Variants in FAM83B observed in about 807,000 individuals in gnomAD.
The protein encoded by FAM83B is protein FAM83B.
Under a neutral mutation model 38.8 loss-of-function variants are expected in FAM83B, and 26 were observed. The observed-to-expected ratio is 0.67, with a 90% CI of 0.49 to 0.93. FAM83B has a LOEUF of 0.93. Ranked by LOEUF, FAM83B falls within the 40% of genes least tolerant of loss-of-function variation. The probability of loss-of-function intolerance (pLI) is 0.00; values close to 1 mark genes in which losing one functional copy is unlikely to be tolerated. For synonymous variants in FAM83B, 419 were observed against 423.1 expected (o/e 0.99, Z 0.12); for missense variants, 1,237 against 1,197.3 (o/e 1.03, Z -0.49).
intron 2 of FAM83B, among the ~76,000 whole-genome samples, chr6:54,925,887 T>C (rs552364933): frequency 6.6e-6 from 1 of 152,314 alleles, no homozygotes; most frequent in Non-Finnish European, 1.5e-5. Flanking sequence ...CATCTTATAC[T>C]CTTTCTCCAT....
chr6:54,864,888 A>C (rs532465582), intron 1 of FAM83B, among the ~76,000 whole-genome samples: 18 of 152,198 alleles, frequency 1.2e-4, no homozygotes, highest in Non-Finnish European at 2.6e-4. Flanking sequence ...AGAAATAACA[A>C]ATTCAAGAAT....
intron 2 of FAM83B, among the ~76,000 whole-genome samples, chr6:54,904,976 AAAGACATTCTGGC>A (rs1228481565): frequency 6.6e-6 from 1 of 152,178 alleles, no homozygotes; most frequent in Non-Finnish European, 1.5e-5. Flanking sequence ...TAAAGAAAGG[AAAGACATTCTGGC>A]AAGTTGTAAA....
In FAM83B at chr6:54,851,652, T is replaced by G. The variant is rs961357727; in HGVS notation, c.-61+4826T>G. ...CATGCCCGGCTAATTTTTGTGTTTT[T>G]TTTTTTTTTTTTTGAGACGGAGTCT... On this transcript the variant is annotated intron_variant, in intron 1 of 4. Coordinates refer to ENST00000306858, the MANE Select transcript of FAM83B (RefSeq NM_001010872.3). 2.1e-5 allele frequency among the ~76,000 whole-genome samples: 3 copies of G among 143,742 alleles called. No individual in the cohort carries two copies. In the East Asian group the frequency reaches 6.0e-4, roughly 29 times the overall value. 94.3% of individuals were successfully genotyped at this position (143,742 alleles called of 152,430 possible).
At chr6:54,862,508 G>A (rs1024013979) in intron 1 of FAM83B, among the ~76,000 whole-genome samples, 4 of 152,170 alleles carry the variant, frequency 2.6e-5, no homozygotes, top group African/African-American at 4.8e-5. Context: ...TGTGTGGCCC[G>A]TGGTGGACAT....
At chr6:54,888,622 T>C (rs1772332513) in intron 2 of FAM83B, among the ~76,000 whole-genome samples, 1 of 152,034 alleles carries the variant, frequency 6.6e-6, no homozygotes, top group Non-Finnish European at 1.5e-5. Flanking sequence ...CTGACTTTTA[T>C]TGTTGCTGAT....
chr6:54,921,361 C>T (rs761424985), intron 2 of FAM83B, among the ~76,000 whole-genome samples: 7 of 150,976 alleles, frequency 4.6e-5, no homozygotes, highest in Non-Finnish European at 8.9e-5. Flanking sequence ...TGTAGGTGTC[C>T]TCCGGGGTCT....
chr6:54,941,837 AC>A lies in FAM83B; in HGVS notation c.2868del (p.Ser957ValfsTer2), dbSNP rs1463033524. ...SIQPTSNMPN[T>X]SINRPEIKSA... ...TCAGCCAACAAGCAACATGCCAAAT[AC>A]CAGTATAAATCGCCCAGAAATAAAA... On this transcript the variant is annotated frameshift_variant, in exon 5 of 5. Transcript: ENST00000306858. LOFTEE classifies it high-confidence loss of function. 6.2e-7 allele frequency: 1 copy of A among 1,614,106 alleles called. No individual in the cohort carries two copies. The highest frequency in any genetic ancestry group is 1.7e-5 in the Admixed American group (1 of 59,978).
intron 1 of FAM83B, among the ~76,000 whole-genome samples, chr6:54,863,511 G>A (rs188212172): frequency 6.1e-4 from 93 of 152,286 alleles, no homozygotes; most frequent in Non-Finnish European, 1.2e-3. Flanking sequence ...AGTAGAGGTC[G>A]AAACCTGTGC....
At chr6:54,939,027 C>T (rs1346361345) in intron 4 of FAM83B, among the ~76,000 whole-genome samples, 1 of 151,952 alleles carries the variant, frequency 6.6e-6, no homozygotes, top group Admixed American at 6.6e-5. Flanking sequence ...CATCTTGAGT[C>T]GATTTTTGCT....
At chr6:54,860,439 A>G (rs1771553247) in intron 1 of FAM83B, among the ~76,000 whole-genome samples, 1 of 152,168 alleles carries the variant, frequency 6.6e-6, no homozygotes, top group African/African-American at 2.4e-5. Flanking sequence ...AAAAAAATTG[A>G]CAAGCTGTTT....
At chr6:54,900,779 A>ACAAGAAAGT (rs1053162864) in intron 2 of FAM83B, among the ~76,000 whole-genome samples, 7 of 152,176 alleles carry the variant, frequency 4.6e-5, no homozygotes, top group Non-Finnish European at 8.8e-5. Flanking sequence ...AGTTCCTTTA[A>ACAAGAAAGT]CAAGAAAGTG....
intron 1 of FAM83B, among the ~76,000 whole-genome samples, chr6:54,852,938 A>ATT (rs33946382): frequency 0.058 from 8,771 of 151,468 alleles, 561 homozygotes; most frequent in African/African-American, 0.16. Context: ...TTTTGTTGCA[A>ATT]TTTTTTTTTC....
At chr6:54,889,301 C>T (rs1187326826) in intron 2 of FAM83B, among the ~76,000 whole-genome samples, 2 of 152,004 alleles carry the variant, frequency 1.3e-5, no homozygotes, top group Admixed American at 6.6e-5. Flanking sequence ...AACCATCCTG[C>T]ATTTTGTTTT....
At chr6:54,882,559 G>A (rs2127578145) in intron 2 of FAM83B, among the ~76,000 whole-genome samples, 1 of 152,214 alleles carries the variant, frequency 6.6e-6, no homozygotes, top group Admixed American at 6.5e-5. Flanking sequence ...ACCACTCCAG[G>A]CAGGCTCCAT....
intron 2 of FAM83B, among the ~76,000 whole-genome samples, chr6:54,904,737 A>C (rs1446559335): frequency 1.3e-5 from 2 of 152,228 alleles, no homozygotes; most frequent in East Asian, 3.9e-4. Context: ...AGAATGTGGT[A>C]AGAGCCAGGA....
chr6:54,924,515 G>A (rs1442963023), intron 2 of FAM83B, among the ~76,000 whole-genome samples: 1 of 150,934 alleles, frequency 6.6e-6, no homozygotes, highest in Non-Finnish European at 1.5e-5. Context: ...ACTATTCTTG[G>A]CCTAGCAGTA....
At chr6:54,893,264 G>T (rs916258911) in intron 2 of FAM83B, among the ~76,000 whole-genome samples, 1 of 152,090 alleles carries the variant, frequency 6.6e-6, no homozygotes, top group African/African-American at 2.4e-5. Context: ...TATTTTCGAG[G>T]AGATCTAGTC....
chr6:54,939,241 G>A (rs1036926081), intron 4 of FAM83B, among the ~76,000 whole-genome samples: 1 of 152,008 alleles, frequency 6.6e-6, no homozygotes, highest in Non-Finnish European at 1.5e-5. Flanking sequence ...TATACCAGTA[G>A]GATGCTGTTT....
chr6:54,881,928 G>A (rs181132817), intron 2 of FAM83B, among the ~76,000 whole-genome samples: 2 of 152,172 alleles, frequency 1.3e-5, no homozygotes, highest in East Asian at 3.9e-4. Flanking sequence ...CCTGCCGCAC[G>A]GCAGGCCCCA....
Sources: gnomAD v4.1 joint callset for allele counts (sites outside exome capture counted in the v4.1 genomes callset) on GRCh38, gnomAD v4.1.1 for gene constraint, MANE v1.5 for transcripts, NCBI Gene and HGNC (gene_info 2026-07-23, HGNC 2026-07-21) for gene names.